Variants in UNC79 observed in about 807,000 individuals in gnomAD.
UNC79 encodes unc-79 subunit of NALCN channel complex, also known as protein unc-79 homolog.
UNC79 carries 37 observed loss-of-function variants against 283.1 expected under a neutral mutation model. That is an observed-to-expected ratio of 0.13 (90% confidence interval 0.10 to 0.17). The LOEUF (loss-of-function observed/expected upper bound fraction) is 0.17. Ranked by LOEUF, UNC79 falls within the 10% of genes least tolerant of loss-of-function variation. The pLI, the probability that UNC79 is intolerant of heterozygous loss-of-function variation, is 1.00. For missense variants in UNC79, 2,272 were observed against 3,211.1 expected (o/e 0.71, Z 7.07); for synonymous variants, 1,107 against 1,200.2 (o/e 0.92, Z 1.61).
intron 41 of UNC79, among the ~76,000 whole-genome samples, chr14:93,680,396 T>C (rs368354929): frequency 3.9e-5 from 6 of 152,320 alleles, no homozygotes; most frequent in Non-Finnish European, 5.9e-5. Context: ...ACCATCCTTA[T>C]AGAGACAGCT....
intron 7 of UNC79, among the ~76,000 whole-genome samples, chr14:93,521,763 C>CT (rs1264079096): frequency 2.7e-5 from 4 of 148,248 alleles, no homozygotes; most frequent in Non-Finnish European, 4.5e-5. Flanking sequence ...TTTATGCTAT[C>CT]TTTTTTGTTA....
In UNC79 at chr14:93,653,714, G is replaced by A. The variant is rs372686795; in HGVS notation, c.6084-28G>A. ...CACCTGCTCACTGGCCCATGACTTCGTGTCTTTTCTCCCCTGTTCAACTCC... is the reference window on the plus strand; with the variant it reads ...CACCTGCTCACTGGCCCATGACTTCATGTCTTTTCTCCCCTGTTCAACTCC... On this transcript the variant is annotated intron_variant, in intron 35 of 48. Transcript: ENST00000555664. 1.0e-5 allele frequency: 16 copies of A among 1,595,388 alleles called. No individual in the cohort carries two copies. The Admixed American group carries it at 1.0e-4, about 10-fold the overall frequency.
intron 22 of UNC79, among the ~76,000 whole-genome samples, chr14:93,589,492 C>T (rs747379489): frequency 3.9e-5 from 6 of 151,942 alleles, no homozygotes; most frequent in Non-Finnish European, 7.4e-5. Context: ...AGCATCTCAT[C>T]CAGCAGAGTA....
At chr14:93,683,457 C>T (rs1566918755) in intron 42 of UNC79, among the ~76,000 whole-genome samples, 1 of 152,204 alleles carries the variant, frequency 6.6e-6, no homozygotes, top group East Asian at 1.9e-4. Context: ...ATGACCACAC[C>T]CAACTGCAAG....
intron 1 of UNC79, among the ~76,000 whole-genome samples, chr14:93,349,324 C>T (rs989769644): frequency 1.3e-5 from 2 of 152,138 alleles, no homozygotes; most frequent in African/African-American, 2.4e-5. Flanking sequence ...ACAGCAGAAG[C>T]GAGACTTTTA....
At position 93,616,583 on chromosome 14, in the gene UNC79, A is replaced by G. The variant is rs75896756; in HGVS notation, c.4042-539A>G. 1.5e-3 allele frequency among the ~76,000 whole-genome samples: 223 copies of G among 152,086 alleles called. 1 individual carries two copies. Among genetic ancestry groups the G allele is most frequent in the Admixed American group, 2.6e-3 (40 of 15,266 alleles). ...CAGGGTTTCGCCGTGTTGCCTGAGC[A>G]TACTCTTGGGCTCAAGCAATCTATC... is the stretch of plus-strand genomic sequence containing the variant. On this transcript the variant is annotated intron_variant, in intron 27 of 48. Coordinates refer to ENST00000555664, the Ensembl canonical transcript of UNC79.
At chr14:93,464,644 A>G in intron 1 of UNC79, 1 of 455,714 alleles carries the variant, frequency 2.2e-6, no homozygotes, top group Admixed American at 2.4e-5. Flanking sequence ...TTTTGAAGAT[A>G]GTATAACTAT....
chr14:93,598,369 T>A (rs2065233176), intron 24 of UNC79, among the ~76,000 whole-genome samples: 1 of 74,002 alleles, frequency 1.4e-5, no homozygotes, highest in Non-Finnish European at 3.2e-5. Flanking sequence ...GCATAACGTG[T>A]GTGTGTGTGT....
intron 1 of UNC79, among the ~76,000 whole-genome samples, chr14:93,388,740 G>T (rs2140002920): frequency 6.6e-6 from 1 of 152,268 alleles, no homozygotes; most frequent in Middle Eastern, 3.4e-3. Flanking sequence ...TTTCAGGTCT[G>T]GATGGGGGCA....
intron 1 of UNC79, among the ~76,000 whole-genome samples, chr14:93,350,502 T>C (rs1008620627): frequency 2.6e-5 from 4 of 152,082 alleles, no homozygotes; most frequent in East Asian, 3.8e-4. Context: ...GTGTAAGTGG[T>C]TATAAGGTAT....
At chr14:93,625,000 C>T (rs2067445609) in intron 30 of UNC79, among the ~76,000 whole-genome samples, 1 of 152,208 alleles carries the variant, frequency 6.6e-6, no homozygotes, top group Non-Finnish European at 1.5e-5. Context: ...TCACTCAGAG[C>T]TCCACAAGGC....
At chr14:93,592,909 C>T (rs1395565760) in intron 22 of UNC79, among the ~76,000 whole-genome samples, 3 of 152,130 alleles carry the variant, frequency 2.0e-5, no homozygotes, top group African/African-American at 4.8e-5. Flanking sequence ...ATCTCATAGC[C>T]CAACTGTGGC....
At chr14:93,558,592 G>GATTT (rs2062332212) in intron 14 of UNC79, among the ~76,000 whole-genome samples, 1 of 90,036 alleles carries the variant, frequency 1.1e-5, no homozygotes, top group African/African-American at 5.3e-5. Flanking sequence ...GAGAAACAGG[G>GATTT]ATTTTTTTTT....
At chr14:93,345,539 A>C (rs1022814293) in intron 1 of UNC79, among the ~76,000 whole-genome samples, 8 of 152,248 alleles carry the variant, frequency 5.3e-5, no homozygotes, top group Admixed American at 2.6e-4. Flanking sequence ...AGGTGACTGT[A>C]AAAGCAAAAA....
intron 30 of UNC79, among the ~76,000 whole-genome samples, chr14:93,625,583 T>A (rs1844428029): frequency 1.3e-5 from 2 of 152,180 alleles, no homozygotes; most frequent in South Asian, 4.1e-4. Flanking sequence ...AACTGCAACC[T>A]CTTCATGATC....
At chr14:93,408,986 G>C (rs9788562) in intron 1 of UNC79, among the ~76,000 whole-genome samples, 105,141 of 152,158 alleles carry the variant, frequency 0.69, 36,765 homozygotes, top group Middle Eastern at 0.78. Context: ...ATTTAGTGAT[G>C]AATTTTAAAC....
At chr14:93,354,182 T>C (rs2054036771) in intron 1 of UNC79, among the ~76,000 whole-genome samples, 1 of 152,214 alleles carries the variant, frequency 6.6e-6, no homozygotes, top group Non-Finnish European at 1.5e-5. Flanking sequence ...ATGTTAACTT[T>C]AAGGGTTTTG....
intron 1 of UNC79, among the ~76,000 whole-genome samples, chr14:93,368,300 T>C (rs1413173792): frequency 6.6e-6 from 1 of 152,214 alleles, no homozygotes; most frequent in African/African-American, 2.4e-5. Flanking sequence ...TATTAGAATG[T>C]TCAGATTTTT....
At chr14:93,492,793 A>G (rs1357258626) in intron 5 of UNC79, among the ~76,000 whole-genome samples, 1 of 152,212 alleles carries the variant, frequency 6.6e-6, no homozygotes, top group African/African-American at 2.4e-5. Context: ...AGATCAGCAG[A>G]CACTATGTAC....
Sources: allele counts gnomAD v4.1 joint callset (sites outside exome capture counted in the v4.1 genomes callset), GRCh38; gene constraint gnomAD v4.1.1; transcripts MANE v1.5; gene names NCBI Gene and HGNC (gene_info 2026-07-23, HGNC 2026-07-21).